KCNK3: variants seen among roughly 807,000 people sequenced by gnomAD.
The protein encoded by KCNK3 is potassium channel subfamily K member 3.
KCNK3 carries 9 observed loss-of-function variants against 27.3 expected under a neutral mutation model. That is an observed-to-expected ratio of 0.33 (90% CI 0.20 to 0.57). KCNK3 has a LOEUF of 0.57. Ranked by LOEUF, KCNK3 falls within the 20% of genes least tolerant of loss-of-function variation. The probability of loss-of-function intolerance (pLI) is 0.87; values close to 1 mark genes in which losing one functional copy is unlikely to be tolerated. For synonymous variants in KCNK3, 278 were observed against 273.8 expected (o/e 1.02, Z -0.15); for missense variants, 391 against 577.7 (o/e 0.68, Z 3.31).
intron 1 of KCNK3, among the ~76,000 whole-genome samples, chr2:26,725,294 C>A (rs1258104848): frequency 6.6e-6 from 1 of 152,330 alleles, no homozygotes; most frequent in East Asian, 1.9e-4. Flanking sequence ...AACGCCCAGT[C>A]TCTCCTGTGC....
intron 1 of KCNK3, among the ~76,000 whole-genome samples, chr2:26,717,017 C>T (rs986654317): frequency 6.6e-6 from 1 of 152,182 alleles, no homozygotes; most frequent in Non-Finnish European, 1.5e-5. Context: ...TTTCTTGGTT[C>T]TATGGCAGAG....
In KCNK3 at chr2:26,728,635, T is replaced by C; in HGVS notation, c.*67T>C. On this transcript the variant is annotated 3_prime_UTR_variant, in exon 2 of 2. Coordinates refer to ENST00000302909, the MANE Select transcript of KCNK3 (RefSeq NM_002246.3). Reference sequence around the variant, plus strand: ...GACCCCTGCTGGGAGGCCAGGAGACTGCCCCTGCTGCCTTCTGCCCAGTGG... The same window carrying C: ...GACCCCTGCTGGGAGGCCAGGAGACCGCCCCTGCTGCCTTCTGCCCAGTGG... 7.6e-7 allele frequency: 1 copy of C among 1,310,460 alleles called. No homozygotes were observed. Among genetic ancestry groups the C allele is most frequent in the Non-Finnish European group, 1.0e-6 (1 of 1,001,738 alleles). 81.2% of individuals were successfully genotyped at this position (1,310,460 alleles called of 1,614,324 possible).
Position 26,730,207 on chromosome 2 carries a change from C to T in KCNK3, c.*1639C>T, listed in dbSNP as rs889219704. On this transcript the variant is annotated 3_prime_UTR_variant, in exon 2 of 2. Transcript: ENST00000302909. ...GGGCTCTAGGAATTTGGGAATTGGG[C>T]AGAGTGGCCAAGAAAGCTGGCAGGC... The T allele has an allele frequency of 6.6e-6, 1 of 152,426 alleles. No homozygotes were observed. The allele number at this position is 152,426 out of a possible 1,614,324, so 9.4% of individuals were successfully genotyped here. A position where few individuals can be genotyped will look rare whatever the true frequency, so the allele number is the denominator to read the frequency against.
chr2:26,692,926 C>T lies in KCNK3; in HGVS notation c.51C>T (p.Thr17=), dbSNP rs1409107204. Residue 17 remains threonine (T), a synonymous_variant, in exon 1 of 2, where the codon ACC becomes ACT. Coordinates refer to ENST00000302909, the MANE Select transcript of KCNK3 (RefSeq NM_002246.3). The surrounding 1 kb of genome is among the most constrained non-coding windows in gnomAD (Gnocchi z 5.6). ...RTLALIVCTF[T]YLLVGAAVFD... ...TGGCGCTCATCGTGTGCACCTTCACCTACCTGCTGGTGGGCGCCGCGGTCT... is the reference window on the plus strand; with the variant it reads ...TGGCGCTCATCGTGTGCACCTTCACTTACCTGCTGGTGGGCGCCGCGGTCT... 1 of 1,537,512 alleles carries T rather than the reference C, an allele frequency of 6.5e-7. No individual in the cohort carries two copies.
intron 1 of KCNK3, among the ~76,000 whole-genome samples, chr2:26,705,931 G>C (rs1300791985): frequency 3.9e-5 from 6 of 152,152 alleles, no homozygotes; most frequent in Admixed American, 1.3e-4. Flanking sequence ...TACCCCCGTA[G>C]CAGCAGTTGC....
At chr2:26,716,238 C>T (rs1488166318) in intron 1 of KCNK3, among the ~76,000 whole-genome samples, 1 of 152,188 alleles carries the variant, frequency 6.6e-6, no homozygotes, top group Non-Finnish European at 1.5e-5. Context: ...CTCTCTGAGC[C>T]TCAGGTTCCA....
intron 1 of KCNK3, among the ~76,000 whole-genome samples, chr2:26,698,644 T>C (rs1670264527): frequency 6.6e-6 from 1 of 152,208 alleles, no homozygotes; most frequent in Non-Finnish European, 1.5e-5. Context: ...CTTCTGCTGC[T>C]TCCTAACAGG....
rs1209399437 is a variant in KCNK3, at chr2:26,730,492, G to A, written c.*1924G>A. The stretch of plus-strand genomic sequence containing the variant: ...ACTGGGACAACATCAAGGGGTGGAT[G>A]AGGGGCCTCTCCTCCCGCAACACTG... On this transcript the variant is annotated 3_prime_UTR_variant, in exon 2 of 2. Transcript: ENST00000302909. The A allele has an allele frequency of 6.6e-6, 1 of 152,334 alleles. No individual in the cohort carries two copies. Among genetic ancestry groups the A allele is most frequent in the African/African-American group, 2.4e-5 (1 of 41,462 alleles). 9.4% of individuals were successfully genotyped at this position (152,334 alleles called of 1,614,324 possible).
rs1422205456 is a variant in KCNK3, at chr2:26,713,771, C to T, written c.284-13896C>T. 2.8e-5 allele frequency among the ~76,000 whole-genome samples: 4 copies of T among 145,264 alleles called. No homozygotes were observed. In the South Asian group the frequency reaches 6.6e-4, roughly 24 times the overall value. ...CCAGCCTGGGCGAAAAAGCGAGAATCCATCTCAAAAAAAAAAAAAAAGGGC... is the reference window on the plus strand; with the variant it reads ...CCAGCCTGGGCGAAAAAGCGAGAATTCATCTCAAAAAAAAAAAAAAAGGGC... On this transcript the variant is annotated intron_variant, in intron 1 of 1. Coordinates refer to ENST00000302909, the MANE Select transcript of KCNK3 (RefSeq NM_002246.3).
chr2:26,711,976 T>C (rs1484200618), intron 1 of KCNK3, among the ~76,000 whole-genome samples: 2 of 152,016 alleles, frequency 1.3e-5, no homozygotes, highest in Non-Finnish European at 2.9e-5. Flanking sequence ...CTTGGCACCA[T>C]AAAAAGCAAG....
At position 26,728,588 on chromosome 2, in the gene KCNK3, G is replaced by A. The variant is rs1242725784; in HGVS notation, c.*20G>A. On this transcript the variant is annotated 3_prime_UTR_variant, in exon 2 of 2. Transcript: ENST00000302909. ...GTGTGACTGCCCCGAGGGGCCTGGA[G>A]CACCTGGGGGCGCGGGCGGGGGACC... 2 of 1,415,520 alleles carry A rather than the reference G, an allele frequency of 1.4e-6. No homozygotes were observed. Among genetic ancestry groups the A allele is most frequent in the Non-Finnish European group, 1.8e-6 (2 of 1,085,270 alleles). 87.7% of individuals were successfully genotyped at this position (1,415,520 alleles called of 1,614,324 possible).
rs1663328621 is a variant in KCNK3 at position 26,721,550 on chromosome 2, TGCCTC to T, written c.284-6116_284-6112del. 6.6e-6 allele frequency among the ~76,000 whole-genome samples: 1 copy of T among 152,196 alleles called. No individual in the cohort carries two copies. Among genetic ancestry groups the T allele is most frequent in the African/African-American group, 2.4e-5 (1 of 41,458 alleles). On this transcript the variant is annotated intron_variant, in intron 1 of 1. Coordinates refer to ENST00000302909, the MANE Select transcript of KCNK3 (RefSeq NM_002246.3). The surrounding 1 kb of genome is among the most constrained non-coding windows in gnomAD (Gnocchi z 4.3). ...CAACTGAGGGGCGGCTCCATGTCTG[TGCCTC>T]AGGCGCCTGAGCTGGTTCCTCGTGG...
At chr2:26,724,966 G>C (rs946491589) in intron 1 of KCNK3, among the ~76,000 whole-genome samples, 1 of 152,120 alleles carries the variant, frequency 6.6e-6, no homozygotes, top group Non-Finnish European at 1.5e-5. Flanking sequence ...AGCAAAAGAA[G>C]GGCAAGGAAG....
intron 1 of KCNK3, among the ~76,000 whole-genome samples, chr2:26,703,786 G>T (rs1310086542): frequency 2.0e-5 from 3 of 152,210 alleles, no homozygotes; most frequent in African/African-American, 7.2e-5. Context: ...CCCAAAGAAG[G>T]GTCTGAGAAG....
At chr2:26,705,584 C>T (rs1670362672) in intron 1 of KCNK3, among the ~76,000 whole-genome samples, 1 of 152,142 alleles carries the variant, frequency 6.6e-6, no homozygotes, top group African/African-American at 2.4e-5. Flanking sequence ...GTGCCCTTGC[C>T]CCCTTGACAG....
intron 1 of KCNK3, among the ~76,000 whole-genome samples, chr2:26,725,892 G>A (rs1663407406): frequency 6.6e-6 from 1 of 152,172 alleles, no homozygotes. Context: ...TTGGAAACAT[G>A]ACAGTAATCT....
intron 1 of KCNK3, among the ~76,000 whole-genome samples, chr2:26,697,834 A>G (rs1366070345): frequency 6.6e-6 from 1 of 152,048 alleles, no homozygotes; most frequent in African/African-American, 2.4e-5. Flanking sequence ...CACCCACCAC[A>G]TGGCCTGAGA....
At chr2:26,707,907 G>A (rs560128773) in intron 1 of KCNK3, among the ~76,000 whole-genome samples, 10 of 152,114 alleles carry the variant, frequency 6.6e-5, no homozygotes, top group East Asian at 3.9e-4. Context: ...TCAGGTCCCC[G>A]ACTCTTTCCA....
chr2:26,720,666 G>C (rs1298891106), intron 1 of KCNK3, among the ~76,000 whole-genome samples: 1 of 152,144 alleles, frequency 6.6e-6, no homozygotes, highest in Non-Finnish European at 1.5e-5. Flanking sequence ...GTGGGCCCAA[G>C]AGTGGGGAGT....
Sources: gnomAD v4.1 joint callset for allele counts (sites outside exome capture counted in the v4.1 genomes callset) on GRCh38, gnomAD v4.1.1 for gene constraint, Gnocchi (gnomAD v3.1) non-coding constraint, MANE v1.5 for transcripts, NCBI Gene and HGNC (gene_info 2026-07-23, HGNC 2026-07-21) for gene names.